Variants in GPATCH8 observed in about 807,000 individuals in gnomAD.
GPATCH8 encodes G patch domain-containing protein 8.
A neutral mutation model predicts 118.3 loss-of-function variants in GPATCH8; 18 were observed. That is an observed-to-expected ratio of 0.15 (90% confidence interval 0.11 to 0.23). The LOEUF (loss-of-function observed/expected upper bound fraction) is 0.23. GPATCH8 is among the 10% of genes least tolerant of loss of function. The pLI is 1.00. For missense variants in GPATCH8, 1,631 were observed against 1,873.8 expected, an observed-to-expected ratio of 0.87 and a Z score of 2.39; for synonymous variants, 659 against 684.7, an observed-to-expected ratio of 0.96 and a Z score of 0.59.
At chr17:44,442,796 G>A (rs1040933015) in intron 3 of GPATCH8, among the ~76,000 whole-genome samples, 5 of 152,172 alleles carry the variant, frequency 3.3e-5, no homozygotes, top group African/African-American at 4.8e-5. Flanking sequence ...ATTAAAACTG[G>A]GCTGGGCTTG....
At chr17:44,468,361 ATTTC>A (rs1192015605) in intron 2 of GPATCH8, among the ~76,000 whole-genome samples, 1 of 144,970 alleles carries the variant, frequency 6.9e-6, no homozygotes, top group Non-Finnish European at 1.5e-5. Context: ...TGAACATTAA[ATTTC>A]TTTGTTCCTT....
chr17:44,441,147 C>T (rs1022812628), intron 3 of GPATCH8, among the ~76,000 whole-genome samples: 7 of 152,026 alleles, frequency 4.6e-5, no homozygotes, highest in Admixed American at 4.6e-4. Context: ...TGCACCCAGC[C>T]CAGGGAAACA....
chr17:44,474,740 A>T (rs1272275695), intron 2 of GPATCH8, 89 bp downstream of exon 2: 2 of 746,168 alleles, frequency 2.7e-6, no homozygotes, highest in Admixed American at 1.9e-5. Context: ...ATTGGTTATT[A>T]ATAAGTTTAA....
At chr17:44,401,486 AAGC>A (rs758558885) in intron 7 of GPATCH8, 33 bp from the exon 8 acceptor site, 22 of 1,401,786 alleles carry the variant, frequency 1.6e-5, no homozygotes, top group African/African-American at 4.2e-5. Context: ...AAAAAACAAA[AAGC>A]AGGTTTAGGA....
At chr17:44,406,107 T>C in intron 6 of GPATCH8, 56 bp from the exon 7 acceptor site, 2 of 1,351,658 alleles carry the variant, frequency 1.5e-6, no homozygotes, top group South Asian at 2.3e-5. Context: ...AACTTGGGAA[T>C]CAGAAAGCAA....
At chr17:44,480,655 G>A (rs982838964) in intron 1 of GPATCH8, among the ~76,000 whole-genome samples, 12 of 151,274 alleles carry the variant, frequency 7.9e-5, no homozygotes, top group East Asian at 1.9e-4. Flanking sequence ...GGAAGGAGGA[G>A]GTTGCAGTGA....
chr17:44,457,803 C>T (rs148237093), intron 3 of GPATCH8, among the ~76,000 whole-genome samples: 164 of 151,990 alleles, frequency 1.1e-3, no homozygotes, highest in African/African-American at 3.8e-3. Context: ...AGGCGTTCGC[C>T]GGGCGCAGTG....
At chr17:44,443,330 T>TA (rs1271281040) in intron 3 of GPATCH8, among the ~76,000 whole-genome samples, 1 of 152,188 alleles carries the variant, frequency 6.6e-6, no homozygotes, top group African/African-American at 2.4e-5. Flanking sequence ...AAACACTGAA[T>TA]AAAAAATGGT....
intron 6 of GPATCH8, among the ~76,000 whole-genome samples, chr17:44,412,576 G>T (rs1242753268): frequency 6.6e-6 from 1 of 151,724 alleles, no homozygotes; most frequent in African/African-American, 2.4e-5. Flanking sequence ...TAGAGACAGG[G>T]TTTCACCATG....
chr17:44,399,692 G>A lies in GPATCH8; in HGVS notation c.2385C>T (p.Cys795=), dbSNP rs1317586312. 6.2e-7 allele frequency: 1 copy of A among 1,614,134 alleles called. No homozygotes were observed. The highest frequency in any genetic ancestry group is 1.1e-5 in the South Asian group (1 of 91,088). ...KHKGELPPSS[C]QRRAGTKRSS... is the part of the protein sequence containing the mutation. ...TCCGTTTGGTGCCTGCTCTTCGCTG[G>A]CAGGATGAAGGTGGAAGTTCACCTT... is the stretch of plus-strand genomic sequence containing the variant. Residue 795 remains cysteine (C), a synonymous_variant, in exon 8 of 8, where the codon TGC becomes TGT. Transcript: ENST00000591680.
At chr17:44,447,619 CT>C (rs79158339) in intron 3 of GPATCH8, among the ~76,000 whole-genome samples, 1,457 of 141,456 alleles carry the variant, frequency 0.01, 7 homozygotes, top group African/African-American at 0.021. Context: ...TTATCACCAC[CT>C]TTTTTTTTTT....
chr17:44,472,382 G>C (rs918432991), intron 2 of GPATCH8, among the ~76,000 whole-genome samples: 2 of 152,182 alleles, frequency 1.3e-5, no homozygotes, highest in Non-Finnish European at 2.9e-5. Flanking sequence ...GACATTATGA[G>C]AGGTAAAATA....
intron 6 of GPATCH8, among the ~76,000 whole-genome samples, chr17:44,413,845 C>T (rs1363259169): frequency 6.6e-6 from 1 of 152,006 alleles, no homozygotes; most frequent in Non-Finnish European, 1.5e-5. Flanking sequence ...GTCTCAAATT[C>T]CTGACTTCAA....
chr17:44,471,823 A>G (rs1490134475), intron 2 of GPATCH8, among the ~76,000 whole-genome samples: 1 of 151,216 alleles, frequency 6.6e-6, no homozygotes, highest in African/African-American at 2.4e-5. Flanking sequence ...GATGCCAATC[A>G]CTGTAGGAGT....
At chr17:44,471,785 G>A (rs1967297618) in intron 2 of GPATCH8, among the ~76,000 whole-genome samples, 1 of 151,322 alleles carries the variant, frequency 6.6e-6, no homozygotes, top group Non-Finnish European at 1.5e-5. Flanking sequence ...CTTTTGTTTG[G>A]TGGGAGGGAG....
At chr17:44,426,127 T>A (rs2050081653) in intron 5 of GPATCH8, among the ~76,000 whole-genome samples, 1 of 152,052 alleles carries the variant, frequency 6.6e-6, no homozygotes, top group South Asian at 2.1e-4. Flanking sequence ...AAAACATATA[T>A]CCTGTACATA....
At chr17:44,434,376 C>A (rs955048245) in intron 5 of GPATCH8, among the ~76,000 whole-genome samples, 1 of 152,024 alleles carries the variant, frequency 6.6e-6, no homozygotes, top group South Asian at 2.1e-4. Flanking sequence ...ATAAAACACA[C>A]AAAAATTTAA....
chr17:44,409,841 A>G (rs1333035018), intron 6 of GPATCH8, among the ~76,000 whole-genome samples: 2 of 152,210 alleles, frequency 1.3e-5, no homozygotes, highest in East Asian at 1.9e-4. Flanking sequence ...TCAACCCCGC[A>G]GTGCACAAAA....
chr17:44,466,594 G>C (rs1327805624), intron 2 of GPATCH8, among the ~76,000 whole-genome samples: 1 of 152,052 alleles, frequency 6.6e-6, no homozygotes, highest in Non-Finnish European at 1.5e-5. Flanking sequence ...CCAGTGTTCA[G>C]TGTCTGACTA....
Sources: gnomAD v4.1 joint callset for allele counts (sites outside exome capture counted in the v4.1 genomes callset) on GRCh38, gnomAD v4.1.1 for gene constraint, MANE v1.5 for transcripts, NCBI Gene and HGNC (gene_info 2026-07-23, HGNC 2026-07-21) for gene names.